Variants in STK32B observed in about 807,000 individuals in gnomAD.
STK32B encodes the protein serine/threonine kinase 32B, also known as serine/threonine-protein kinase 32B.
Under a neutral mutation model 52.6 loss-of-function variants are expected in STK32B, and 43 were observed. The observed-to-expected ratio is 0.82, with a 90% CI of 0.64 to 1.05. The LOEUF (loss-of-function observed/expected upper bound fraction) is 1.05. STK32B is among the 50% of genes least tolerant of loss of function. The pLI is 0.00. For missense variants in STK32B, 621 were observed against 534.6 expected (o/e 1.16, Z -1.59); for synonymous variants, 238 against 204.3 (o/e 1.17, Z -1.41).
chr4:5,209,503 T>C (rs1010203505), intron 3 of STK32B, among the ~76,000 whole-genome samples: 1 of 152,170 alleles, frequency 6.6e-6, no homozygotes, highest in East Asian at 1.9e-4. Context: ...GGATTATAGG[T>C]GAGAGCCACT....
At chr4:5,387,066 A>C (rs944293938) in intron 4 of STK32B, among the ~76,000 whole-genome samples, 1 of 152,176 alleles carries the variant, frequency 6.6e-6, no homozygotes, top group Admixed American at 6.5e-5. Flanking sequence ...CGTGAATGAC[A>C]TCAGACGAGA....
Position 5,274,258 on chromosome 4 carries a change from C to T in STK32B, c.261-56962C>T, listed in dbSNP as rs79161862. Among the ~76,000 whole-genome samples, 1,408 of 152,262 alleles carry T rather than the reference C, an allele frequency of 9.2e-3. 51 individuals carry two copies. In the East Asian group the frequency reaches 0.11, roughly 12 times the overall value. On this transcript the variant is annotated intron_variant, in intron 3 of 11. Transcript: ENST00000282908. ...TATTATAAATACACAGTAATCAAGA[C>T]AGTGTAGTATTGGTGCCGAGACACA...
Position 5,317,937 on chromosome 4 carries a change from T to G in STK32B, c.261-13283T>G, listed in dbSNP as rs539826801. Among the ~76,000 whole-genome samples the G allele has an allele frequency of 5.3e-5, 8 of 152,224 alleles. 2 individuals are homozygous for G. In the South Asian group the frequency reaches 1.7e-3, roughly 32 times the overall value. On this transcript the variant is annotated intron_variant, in intron 3 of 11. Coordinates refer to ENST00000282908, the MANE Select transcript of STK32B (RefSeq NM_018401.3). The stretch of plus-strand genomic sequence containing the variant: ...CTGAAAATCTGTTAGAATTGCCAAA[T>G]TTCAGGTTTTGTCCCAGGCCTACCA...
intron 3 of STK32B, among the ~76,000 whole-genome samples, chr4:5,179,889 G>C (rs915818027): frequency 3.9e-5 from 6 of 152,324 alleles, no homozygotes; most frequent in African/African-American, 1.4e-4. Context: ...GCCCTGGCGG[G>C]TCCCATTTCT....
At chr4:5,299,999 C>T (rs1416336876) in intron 3 of STK32B, among the ~76,000 whole-genome samples, 1 of 151,166 alleles carries the variant, frequency 6.6e-6, no homozygotes, top group Non-Finnish European at 1.5e-5. Context: ...AAGGAAGCTA[C>T]AGGCCGAGAT....
At chr4:5,479,097 GTTT>G (rs146456663) in intron 11 of STK32B, among the ~76,000 whole-genome samples, 1 of 146,910 alleles carries the variant, frequency 6.8e-6, no homozygotes, top group East Asian at 2.0e-4. Flanking sequence ...TTTTTTGTTG[GTTT>G]TTGTTTGTTT....
chr4:5,312,689 T>C (rs1393718719), intron 3 of STK32B, among the ~76,000 whole-genome samples: 1 of 150,594 alleles, frequency 6.6e-6, no homozygotes, highest in Non-Finnish European at 1.5e-5. Context: ...TCTATCATTG[T>C]TGGACATTTG....
chr4:5,142,141 C>G (rs560371006), intron 2 of STK32B, among the ~76,000 whole-genome samples: 12 of 152,324 alleles, frequency 7.9e-5, no homozygotes, highest in African/African-American at 2.4e-4. Context: ...AATACACTAA[C>G]TATCCTTGTG....
intron 3 of STK32B, among the ~76,000 whole-genome samples, chr4:5,177,227 C>T (rs1719977854): frequency 6.6e-6 from 1 of 152,118 alleles, no homozygotes; most frequent in Non-Finnish European, 1.5e-5. Context: ...ATAATCAGGG[C>T]AGAAGGCAAA....
chr4:5,047,437 GC>G (rs2108747979), upstream of STK32B, among the ~76,000 whole-genome samples: 1 of 152,130 alleles, frequency 6.6e-6, no homozygotes, highest in Non-Finnish European at 1.5e-5. Context: ...GACACATTCT[GC>G]ACATGTATCC....
chr4:5,491,378 T>A (rs1435529238), intron 11 of STK32B, among the ~76,000 whole-genome samples: 14 of 152,212 alleles, frequency 9.2e-5, no homozygotes, highest in Non-Finnish European at 1.6e-4. Context: ...AATGTCTTCT[T>A]TTGAGAAGTG....
At chr4:5,072,342 C>G (rs187108028) in intron 1 of STK32B, among the ~76,000 whole-genome samples, 3 of 152,090 alleles carry the variant, frequency 2.0e-5, no homozygotes, top group Non-Finnish European at 4.4e-5. Context: ...TCTTCCTATC[C>G]CTAAATGTAC....
At chr4:5,346,154 G>C (rs1733442773) in intron 4 of STK32B, among the ~76,000 whole-genome samples, 2 of 152,190 alleles carry the variant, frequency 1.3e-5, no homozygotes, top group South Asian at 4.1e-4. Flanking sequence ...ATTGCAGAAT[G>C]GGGCTGGGGT....
intron 4 of STK32B, among the ~76,000 whole-genome samples, chr4:5,371,002 A>ATATGTATATATACGTATATATATG: frequency 8.4e-6 from 1 of 118,424 alleles, no homozygotes; most frequent in South Asian, 2.5e-4. Flanking sequence ...GTGTGTATAT[A>ATATGTATATATACGTATATATATG]TATATATATG....
At chr4:5,057,374 C>G (rs1180701502) in intron 1 of STK32B, among the ~76,000 whole-genome samples, 2 of 152,138 alleles carry the variant, frequency 1.3e-5, no homozygotes, top group Admixed American at 6.5e-5. Context: ...TCATGGTGCA[C>G]AGAGAACTCC....
At chr4:5,496,193 G>C (rs997125373) in intron 11 of STK32B, among the ~76,000 whole-genome samples, 1 of 152,256 alleles carries the variant, frequency 6.6e-6, no homozygotes, top group African/African-American at 2.4e-5. Flanking sequence ...GGAGCCTACA[G>C]AGGCAGGCAA....
chr4:5,426,061 C>T (rs1560400943), intron 6 of STK32B, among the ~76,000 whole-genome samples: 1 of 152,136 alleles, frequency 6.6e-6, no homozygotes, highest in Admixed American at 6.5e-5. Context: ...CCATTATGGA[C>T]ATTTGCATAC....
At chr4:5,418,207 A>C (rs912250098) in intron 6 of STK32B, among the ~76,000 whole-genome samples, 6 of 152,220 alleles carry the variant, frequency 3.9e-5, no homozygotes, top group African/African-American at 1.2e-4. Context: ...ATTCTGTTTT[A>C]TCAGCACATC....
intron 6 of STK32B, among the ~76,000 whole-genome samples, chr4:5,431,580 A>G (rs1454631189): frequency 2.6e-5 from 4 of 151,618 alleles, no homozygotes; most frequent in African/African-American, 9.7e-5. Flanking sequence ...CTGGTGCATC[A>G]TTTATTTCTG....
Sources: gnomAD v4.1 joint callset for allele counts (sites outside exome capture counted in the v4.1 genomes callset) on GRCh38, gnomAD v4.1.1 for gene constraint, MANE v1.5 for transcripts, NCBI Gene and HGNC (gene_info 2026-07-23, HGNC 2026-07-21) for gene names.